CACNA2D3: variants seen among roughly 807,000 people sequenced by gnomAD.
CACNA2D3 encodes the protein voltage-dependent calcium channel subunit alpha-2/delta-3.
CACNA2D3 carries 60 observed loss-of-function variants against 160.6 expected under a neutral mutation model. The ratio of observed to expected loss-of-function variants is 0.37; its 90% CI spans 0.30 to 0.46. The LOEUF (loss-of-function observed/expected upper bound fraction) is 0.46, where lower values mean the gene tolerates loss of function less well. CACNA2D3 is among the 20% of genes least tolerant of loss of function. CACNA2D3 has a pLI of 1.00. For missense variants in CACNA2D3, 1,205 were observed against 1,365.0 expected (o/e 0.88, Z 1.85); for synonymous variants, 558 against 492.9 (o/e 1.13, Z -1.75).
intron 11 of CACNA2D3, among the ~76,000 whole-genome samples, chr3:54,737,203 TG>T (rs2107031746): frequency 6.6e-6 from 1 of 151,604 alleles, no homozygotes; most frequent in Admixed American, 6.6e-5. Context: ...TGTGTGTGTG[TG>T]TGTGTGTGTG....
intron 5 of CACNA2D3, among the ~76,000 whole-genome samples, chr3:54,517,767 C>G (rs1701577036): frequency 1.3e-5 from 2 of 152,322 alleles, no homozygotes; most frequent in South Asian, 2.1e-4. Flanking sequence ...CCAAGGCTGC[C>G]TTGCCTTGGG....
intron 13 of CACNA2D3, among the ~76,000 whole-genome samples, chr3:54,807,132 A>G (rs989131760): frequency 1.3e-5 from 2 of 152,248 alleles, no homozygotes; most frequent in African/African-American, 4.8e-5. Flanking sequence ...ACCATTCAGG[A>G]CATAGGCATG....
chr3:54,910,219 A>G (rs1553914118), intron 27 of CACNA2D3, among the ~76,000 whole-genome samples: 1 of 152,206 alleles, frequency 6.6e-6, no homozygotes, highest in Non-Finnish European at 1.5e-5. Context: ...CAGAATGAAA[A>G]CATCGTGTAT....
At chr3:54,322,396 A>G (rs1575394298) in intron 3 of CACNA2D3, among the ~76,000 whole-genome samples, 2 of 152,258 alleles carry the variant, frequency 1.3e-5, no homozygotes, top group Non-Finnish European at 2.9e-5. Flanking sequence ...GTTCAGATGC[A>G]CCAGCCCCTG....
At chr3:54,476,535 G>A (rs1237351691) in intron 4 of CACNA2D3, among the ~76,000 whole-genome samples, 1 of 151,956 alleles carries the variant, frequency 6.6e-6, no homozygotes, top group Non-Finnish European at 1.5e-5. Context: ...CAGTATACAA[G>A]GGTCCCTTTT....
At chr3:54,161,852 A>G (rs938888778) in intron 2 of CACNA2D3, among the ~76,000 whole-genome samples, 2 of 152,180 alleles carry the variant, frequency 1.3e-5, no homozygotes, top group Non-Finnish European at 2.9e-5. Flanking sequence ...TTCTGACACA[A>G]AACAGCGATG....
chr3:54,670,936 C>A (rs917816098), intron 11 of CACNA2D3, among the ~76,000 whole-genome samples: 1 of 152,088 alleles, frequency 6.6e-6, no homozygotes, highest in Admixed American at 6.6e-5. Flanking sequence ...ACCCATGTGA[C>A]GGCATGTGAG....
At chr3:54,911,411 C>G (rs1700554597) in intron 27 of CACNA2D3, among the ~76,000 whole-genome samples, 1 of 124,112 alleles carries the variant, frequency 8.1e-6, no homozygotes, top group Admixed American at 1.0e-4. Flanking sequence ...CCAGACTGGT[C>G]TTGAACTCCT....
chr3:54,294,200 T>G (rs1703277381), intron 2 of CACNA2D3, among the ~76,000 whole-genome samples: 1 of 152,218 alleles, frequency 6.6e-6, no homozygotes, highest in African/African-American at 2.4e-5. Context: ...CCCACAGTGA[T>G]CATCTCTGCC....
intron 3 of CACNA2D3, chr3:54,367,672 C>A: frequency 4.4e-6 from 1 of 225,868 alleles, no homozygotes; most frequent in Non-Finnish European, 9.5e-6. Context: ...CAGTAGAGCT[C>A]ATCCCAGATT....
At position 54,754,535 on chromosome 3, in the gene CACNA2D3, A is replaced by G. The variant is rs189569492; in HGVS notation, c.1246+1858A>G. 1.2e-3 allele frequency among the ~76,000 whole-genome samples: 181 copies of G among 152,306 alleles called. 2 individuals carry two copies. Among genetic ancestry groups the G allele is most frequent in the Non-Finnish European group, 1.7e-3 (115 of 68,028 alleles). On this transcript the variant is annotated intron_variant, in intron 12 of 37. Transcript: ENST00000474759. ...TCCTGTTGGCCTCCCTTCTGAGGCT[A>G]CAAGCTCCATGAGAGCAGCCTTTGA...
At chr3:54,509,001 G>C (rs1329058772) in intron 5 of CACNA2D3, among the ~76,000 whole-genome samples, 1 of 152,222 alleles carries the variant, frequency 6.6e-6, no homozygotes. Context: ...CTGCTGGAGG[G>C]ATGGGCAGGG....
intron 9 of CACNA2D3, among the ~76,000 whole-genome samples, chr3:54,616,714 C>CA (rs1007582120): frequency 5.3e-5 from 8 of 152,190 alleles, no homozygotes; most frequent in South Asian, 2.1e-4. Context: ...AAGTTTCTGG[C>CA]AAAAAAACTT....
intron 3 of CACNA2D3, among the ~76,000 whole-genome samples, chr3:54,337,488 C>T (rs1357508788): frequency 2.0e-5 from 3 of 152,138 alleles, no homozygotes; most frequent in Non-Finnish European, 2.9e-5. Flanking sequence ...CTTTTAACAT[C>T]CTTATTAATA....
intron 6 of CACNA2D3, among the ~76,000 whole-genome samples, chr3:54,566,189 C>T (rs1702406619): frequency 6.6e-6 from 1 of 152,206 alleles, no homozygotes; most frequent in Non-Finnish European, 1.5e-5. Flanking sequence ...AGTACAGAGC[C>T]ATAGTCCCTT....
intron 9 of CACNA2D3, among the ~76,000 whole-genome samples, chr3:54,596,989 A>G (rs1433844692): frequency 6.6e-6 from 1 of 152,020 alleles, no homozygotes; most frequent in East Asian, 1.9e-4. Context: ...CATCTCATGG[A>G]CAACATTGTG....
chr3:54,519,697 G>T (rs1701615476), intron 5 of CACNA2D3, among the ~76,000 whole-genome samples: 1 of 152,146 alleles, frequency 6.6e-6, no homozygotes, highest in South Asian at 2.1e-4. Flanking sequence ...TCCCATTCCA[G>T]GCCTGTGGCA....
chr3:54,457,281 A>C (rs79016869), intron 4 of CACNA2D3, among the ~76,000 whole-genome samples: 6,443 of 151,850 alleles, frequency 0.042, 474 homozygotes, highest in African/African-American at 0.15. Flanking sequence ...TGTTTCAATA[A>C]ATTTTTCAAT....
intron 4 of CACNA2D3, among the ~76,000 whole-genome samples, chr3:54,458,928 C>T (rs1047713425): frequency 5.9e-5 from 9 of 152,044 alleles, no homozygotes; most frequent in Non-Finnish European, 1.2e-4. Flanking sequence ...CCAACTTCCC[C>T]CACCCCACAA....
Sources: gnomAD v4.1 joint callset for allele counts (sites outside exome capture counted in the v4.1 genomes callset) on GRCh38, gnomAD v4.1.1 for gene constraint, MANE v1.5 for transcripts, NCBI Gene and HGNC (gene_info 2026-07-23, HGNC 2026-07-21) for gene names.